Variants in MAGI1 observed in about 807,000 individuals in gnomAD.
MAGI1 encodes membrane-associated guanylate kinase, WW and PDZ domain-containing protein 1.
MAGI1 carries 58 observed loss-of-function variants against 139.9 expected under a neutral mutation model. That is an observed-to-expected ratio of 0.41 (90% CI 0.34 to 0.52). The LOEUF is 0.52. Among genes scored for constraint, MAGI1 ranks in the 20% least tolerant of loss-of-function variants. The probability of loss-of-function intolerance (pLI) is 0.12; values close to 1 mark genes in which losing one functional copy is unlikely to be tolerated. For missense variants in MAGI1, 1,874 were observed against 1,901.6 expected (o/e 0.99, Z 0.27); for synonymous variants, 812 against 737.9 (o/e 1.10, Z -1.63).
intron 1 of MAGI1, among the ~76,000 whole-genome samples, chr3:65,850,468 A>G (rs12631836): frequency 0.41 from 62,779 of 151,976 alleles, 13,477 homozygotes; most frequent in South Asian, 0.58. Context: ...TTGAAGTGTC[A>G]AGATAAGCAA....
At chr3:66,000,963 GC>G (rs1406190863) in intron 1 of MAGI1, among the ~76,000 whole-genome samples, 1 of 152,216 alleles carries the variant, frequency 6.6e-6, no homozygotes, top group East Asian at 1.9e-4. Flanking sequence ...GTTGCAGTCG[GC>G]ATGTATTAAG....
intron 1 of MAGI1, among the ~76,000 whole-genome samples, chr3:65,721,020 G>T (rs566434508): frequency 3.3e-5 from 5 of 152,120 alleles, no homozygotes; most frequent in Admixed American, 2.0e-4. Context: ...GGGATTTCAG[G>T]TGTGAAATCC....
intron 2 of MAGI1, among the ~76,000 whole-genome samples, chr3:65,550,801 CA>C (rs398105961): frequency 5.6e-4 from 82 of 146,394 alleles, no homozygotes; most frequent in Non-Finnish European, 6.0e-4. Flanking sequence ...CCCATGTCCA[CA>C]AAAAAAAAAA....
chr3:65,736,458 G>C (rs571608158), intron 1 of MAGI1, among the ~76,000 whole-genome samples: 3 of 152,260 alleles, frequency 2.0e-5, no homozygotes, highest in African/African-American at 7.2e-5. Context: ...AATTGGCCAA[G>C]GAGTCCCACA....
chr3:65,795,696 TACACACAC>T (rs10527666), intron 1 of MAGI1, among the ~76,000 whole-genome samples: 4,166 of 138,996 alleles, frequency 0.03, 88 homozygotes, highest in Non-Finnish European at 0.041. Flanking sequence ...GATGATAAGA[TACACACAC>T]ACACACACAC....
At chr3:65,616,641 TA>T (rs2083385435) in intron 2 of MAGI1, among the ~76,000 whole-genome samples, 1 of 152,156 alleles carries the variant, frequency 6.6e-6, no homozygotes, top group African/African-American at 2.4e-5. Flanking sequence ...TTAGTTTAGA[TA>T]GAGGACAAGG....
intron 9 of MAGI1, among the ~76,000 whole-genome samples, chr3:65,438,459 C>G (rs1948002977): frequency 6.6e-6 from 1 of 152,204 alleles, no homozygotes; most frequent in Non-Finnish European, 1.5e-5. Flanking sequence ...TAAAAGTCCA[C>G]ACTTCACCAC....
At chr3:65,679,409 C>T (rs574591224) in intron 1 of MAGI1, among the ~76,000 whole-genome samples, 1 of 152,102 alleles carries the variant, frequency 6.6e-6, no homozygotes, top group East Asian at 1.9e-4. Flanking sequence ...AATCAAGATG[C>T]CCCTGGGGCC....
chr3:65,385,331 A>G (rs767213724), intron 14 of MAGI1, among the ~76,000 whole-genome samples: 1 of 152,236 alleles, frequency 6.6e-6, no homozygotes. Flanking sequence ...ATAAAATGAT[A>G]TATCATTTTT....
At chr3:65,626,718 C>T (rs17073225) in intron 1 of MAGI1, among the ~76,000 whole-genome samples, 8,390 of 152,218 alleles carry the variant, frequency 0.055, 484 homozygotes, top group African/African-American at 0.14. Flanking sequence ...CAAACTAAAA[C>T]TCCCCTCTAC....
At chr3:65,922,204 T>C (rs2062241039) in intron 1 of MAGI1, among the ~76,000 whole-genome samples, 1 of 152,084 alleles carries the variant, frequency 6.6e-6, no homozygotes, top group Non-Finnish European at 1.5e-5. Context: ...CAGCAGAGAC[T>C]AGACCTAGAT....
Position 65,356,893 on chromosome 3 carries a change from C to A in MAGI1, c.3874G>T (p.Gly1292Trp). ...GCCCGGTCCTTGGGTCGGCATGCCCCGCTGTCGGGTTTCCTCGAAGTCCCA... is the reference window on the plus strand; with the variant it reads ...GCCCGGTCCTTGGGTCGGCATGCCCAGCTGTCGGGTTTCCTCGAAGTCCCA... ...WNGTSRKPDS[G>W]ACRPKDRAPE... Residue 1292 changes from glycine (G) to tryptophan (W), a missense_variant, in exon 23 of 23, where the codon GGG becomes TGG. This residue lies in a region of MAGI1 where 653 missense variants were observed against 644.5 expected (regional missense o/e 1.01). Transcript: ENST00000402939. 1.9e-6 allele frequency: 3 copies of A among 1,614,154 alleles called. No individual in the cohort carries two copies. Among genetic ancestry groups the A allele is most frequent in the Admixed American group, 1.7e-5 (1 of 60,028 alleles).
chr3:65,818,314 CACCAT>C (rs1178859697), intron 1 of MAGI1, among the ~76,000 whole-genome samples: 7 of 152,144 alleles, frequency 4.6e-5, no homozygotes, highest in Non-Finnish European at 8.8e-5. Context: ...ATTTGCCAAG[CACCAT>C]ACCAGGTGCT....
intron 1 of MAGI1, among the ~76,000 whole-genome samples, chr3:65,761,633 G>C (rs1361800986): frequency 6.6e-6 from 1 of 152,116 alleles, no homozygotes; most frequent in Non-Finnish European, 1.5e-5. Context: ...AATGCACAAT[G>C]CCACAAAAGA....
At chr3:65,926,732 C>A (rs1265996161) in intron 1 of MAGI1, among the ~76,000 whole-genome samples, 1 of 152,162 alleles carries the variant, frequency 6.6e-6, no homozygotes, top group African/African-American at 2.4e-5. Context: ...TGGTGGCTCA[C>A]ACCTCTAATC....
intron 1 of MAGI1, among the ~76,000 whole-genome samples, chr3:65,702,909 A>G (rs575314978): frequency 6.6e-6 from 1 of 152,090 alleles, no homozygotes; most frequent in East Asian, 1.9e-4. Flanking sequence ...GGCTCAGCAT[A>G]TGGTGGTGAG....
chr3:65,373,269 G>A lies in MAGI1; in HGVS notation c.3196+2476C>T, dbSNP rs185883097. Among the ~76,000 whole-genome samples, 17 of 152,228 alleles carry A rather than the reference G, an allele frequency of 1.1e-4. No individual in the cohort carries two copies. In the East Asian group the frequency reaches 2.7e-3, roughly 24 times the overall value. On this transcript the variant is annotated intron_variant, in intron 18 of 22. Coordinates refer to ENST00000402939, the MANE Select transcript of MAGI1 (RefSeq NM_001033057.2). The stretch of plus-strand genomic sequence containing the variant: ...GCTTTATCTTGGAAAAGGGAGGCCC[G>A]AGGAAAGGAACAGAGATGGGGAATG...
intron 1 of MAGI1, among the ~76,000 whole-genome samples, chr3:65,655,446 A>G (rs1319645813): frequency 1.3e-5 from 2 of 152,214 alleles, no homozygotes; most frequent in Non-Finnish European, 2.9e-5. Flanking sequence ...AACACAGATG[A>G]CAAAATAAAG....
At chr3:66,030,204 G>T (rs1481579550) in intron 1 of MAGI1, among the ~76,000 whole-genome samples, 1 of 152,178 alleles carries the variant, frequency 6.6e-6, no homozygotes, top group Non-Finnish European at 1.5e-5. Flanking sequence ...AATCGGCTAA[G>T]CTCTATTTTA....
Sources: allele counts gnomAD v4.1 joint callset (sites outside exome capture counted in the v4.1 genomes callset), GRCh38; gene constraint gnomAD v4.1.1; regional missense constraint gnomAD v4.1.1; transcripts MANE v1.5; gene names NCBI Gene and HGNC (gene_info 2026-07-23, HGNC 2026-07-21).